The following RNF34 variants were observed in gnomAD, a reference collection of about 807,000 sequenced individuals.
RNF34 encodes the protein ring finger protein 34, also known as E3 ubiquitin-protein ligase RNF34.
RNF34 carries 12 observed loss-of-function variants against 37.9 expected under a neutral mutation model. The ratio of observed to expected loss-of-function variants is 0.32; its 90% CI spans 0.20 to 0.51. The LOEUF (loss-of-function observed/expected upper bound fraction) is 0.51. Ranked by LOEUF, RNF34 falls within the 20% of genes least tolerant of loss-of-function variation. The pLI, the probability that RNF34 is intolerant of heterozygous loss-of-function variation, is 0.97. For synonymous variants in RNF34, 155 were observed against 177.2 expected (o/e 0.87, Z 1.00); for missense variants, 362 against 472.7 (o/e 0.77, Z 2.17).
chr12:121,420,077 A>G (rs891969093), intron 3 of RNF34, 165 bp from the exon 4 acceptor site: 4 of 559,612 alleles, frequency 7.1e-6, no homozygotes, highest in Admixed American at 6.0e-5. Flanking sequence ...TCTTCATGCA[A>G]TTTTGTAGGG....
At chr12:121,403,389 C>CT (rs1555280265) in intron 1 of RNF34, among the ~76,000 whole-genome samples, 1 of 145,504 alleles carries the variant, frequency 6.9e-6, no homozygotes, top group East Asian at 2.0e-4. Flanking sequence ...GAGCAAGACT[C>CT]TGTCTCCAAA....
rs1389948665 is a variant in RNF34 at position 121,416,042 on chromosome 12, T to C, written c.7-117T>C. 35 of 746,606 alleles carry C rather than the reference T, an allele frequency of 4.7e-5. No individual in the cohort carries two copies. The East Asian group carries it at 7.1e-4, about 15-fold the overall frequency. 46.2% of individuals were successfully genotyped at this position (746,606 alleles called of 1,614,324 possible). A position where few individuals can be genotyped will look rare whatever the true frequency, so the allele number is the denominator to read the frequency against. On this transcript the variant is annotated intron_variant, in intron 1 of 5. Transcript: ENST00000361234. ...TGAAATTTCAGTGCCCAGAGGAATA[T>C]AGTAATCTCAAAGTTATTGAGGGCA...
chr12:121,406,083 C>T (rs1480870139), intron 1 of RNF34, among the ~76,000 whole-genome samples: 1 of 152,080 alleles, frequency 6.6e-6, no homozygotes, highest in Non-Finnish European at 1.5e-5. Flanking sequence ...GCCACCGTGC[C>T]CGGCCTGTCT....
intron 5 of RNF34, among the ~76,000 whole-genome samples, chr12:121,422,709 A>G (rs555823341): frequency 6.6e-6 from 1 of 152,302 alleles, no homozygotes. Flanking sequence ...CCTATGGCCA[A>G]ATCTCAGGCT....
In RNF34 at chr12:121,417,350, G is replaced by A. The variant is rs1408005114; in HGVS notation, c.226-154G>A. Among the ~76,000 whole-genome samples the A allele has an allele frequency of 6.6e-6, 1 of 152,194 alleles. No individual in the cohort carries two copies. The highest frequency in any genetic ancestry group is 2.4e-5 in the African/African-American group (1 of 41,440). On this transcript the variant is annotated intron_variant, in intron 2 of 5. Coordinates refer to ENST00000361234, the MANE Select transcript of RNF34 (RefSeq NM_025126.4). This position sits in a 1 kb window ranked among gnomAD's most constrained non-coding sequence, Gnocchi z 5.0. ...GGCAATGAATATTTTGATTTTCATGGCTTTTGAAACATGAAAATACCTCTG... is the reference window on the plus strand; with the variant it reads ...GGCAATGAATATTTTGATTTTCATGACTTTTGAAACATGAAAATACCTCTG...
At chr12:121,406,440 C>G (rs1870540963) in intron 1 of RNF34, among the ~76,000 whole-genome samples, 1 of 151,800 alleles carries the variant, frequency 6.6e-6, no homozygotes, top group South Asian at 2.1e-4. Context: ...GCACTTGCCA[C>G]CACGCCTGAC....
chr12:121,417,916 G>C lies in RNF34; in HGVS notation c.633+5G>C. On this transcript the variant is annotated splice_donor_5th_base_variant and intron_variant, in intron 3 of 5. Transcript: ENST00000361234. The surrounding 1 kb of genome is among the most constrained non-coding windows in gnomAD (Gnocchi z 5.0). ...AGATCTGGAGTGCCGGCACAGGTACGAGGGGGTAACTAATTACACCCAGGG... is the reference window on the plus strand; with the variant it reads ...AGATCTGGAGTGCCGGCACAGGTACCAGGGGGTAACTAATTACACCCAGGG... 3 of 1,611,846 alleles carry C rather than the reference G, an allele frequency of 1.9e-6. No homozygotes were observed. Among genetic ancestry groups the C allele is most frequent in the Non-Finnish European group, 2.5e-6 (3 of 1,179,086 alleles).
chr12:121,420,683 G>T lies in RNF34; in HGVS notation c.833G>T (p.Arg278Leu). Residue 278 changes from arginine to leucine, a missense_variant, in exon 5 of 6, where the codon CGG (arginine) becomes CTG (leucine). Physicochemically the swap from Arg to Leu is moderately radical, Grantham distance 102. Transcript: ENST00000361234. ...CGCCAGCTGAAGGAAATTCTGGCTC[G>T]GAATTTTGTCAACTATTCTGGCTGT... ...SVRQLKEILARNFVNYSGCCE... is the reference protein window; with the variant it reads ...SVRQLKEILALNFVNYSGCCE... 1 of 1,614,034 alleles carries T rather than the reference G, an allele frequency of 6.2e-7. No individual in the cohort carries two copies. The highest frequency in any genetic ancestry group is 8.5e-7 in the Non-Finnish European group (1 of 1,179,958).
In RNF34 at chr12:121,423,708, C is replaced by G; in HGVS notation, c.*132C>G. ...CATTATTTTGACTACTAAGTGGGGA[C>G]AGAAAGATCCATCCTGAGTTGTGGA... is the stretch of plus-strand genomic sequence containing the variant. On this transcript the variant is annotated 3_prime_UTR_variant, in exon 6 of 6. Coordinates refer to ENST00000361234, the MANE Select transcript of RNF34 (RefSeq NM_025126.4). The surrounding 1 kb of genome is among the most constrained non-coding windows in gnomAD (Gnocchi z 4.3). 1.3e-6 allele frequency: 1 copy of G among 775,012 alleles called. No individual in the cohort carries two copies. The highest frequency in any genetic ancestry group is 2.1e-6 in the Non-Finnish European group (1 of 487,664). The allele number at this position is 775,012 out of a possible 1,614,324, so 48.0% of individuals were successfully genotyped here.
intron 1 of RNF34, among the ~76,000 whole-genome samples, chr12:121,409,054 A>G (rs2136928375): frequency 6.6e-6 from 1 of 151,776 alleles, no homozygotes; most frequent in Non-Finnish European, 1.5e-5. Context: ...ATATCTGCTC[A>G]CTGCAACCTC....
rs782526621 is a variant in RNF34 at position 121,400,172 on chromosome 12, A to G, written c.-41A>G. 2.1e-5 allele frequency: 34 copies of G among 1,604,822 alleles called. No individual in the cohort carries two copies. The Admixed American group carries it at 5.1e-4, about 24-fold the overall frequency. Reference sequence around the variant, plus strand: ...AGTGTGAGGAGCTGCTATGGTGCTGAGTTTCCTGGTAGAGCCGGCCGAGCT... The same window carrying G: ...AGTGTGAGGAGCTGCTATGGTGCTGGGTTTCCTGGTAGAGCCGGCCGAGCT... On this transcript the variant is annotated 5_prime_UTR_variant, in exon 1 of 6. Coordinates refer to ENST00000361234, the MANE Select transcript of RNF34 (RefSeq NM_025126.4).
chr12:121,410,794 A>T (rs1227139254), intron 1 of RNF34, among the ~76,000 whole-genome samples: 1 of 152,152 alleles, frequency 6.6e-6, no homozygotes, highest in Non-Finnish European at 1.5e-5. Context: ...TGAGGCTGCA[A>T]CCTAAATTTT....
chr12:121,416,505 T>C, intron 2 of RNF34, 128 bp downstream of exon 2: 3 of 672,762 alleles, frequency 4.5e-6, no homozygotes, highest in Non-Finnish European at 2.5e-6. Context: ...CCATTAGCCA[T>C]TTTCCATCTA....
chr12:121,407,278 G>T (rs531787629), intron 1 of RNF34, among the ~76,000 whole-genome samples: 2 of 152,260 alleles, frequency 1.3e-5, no homozygotes, highest in South Asian at 4.1e-4. Flanking sequence ...CTTTATTCAC[G>T]GAGGAGTAAC....
chr12:121,402,437 TTTTGG>T (rs781876079), intron 1 of RNF34, among the ~76,000 whole-genome samples: 12 of 151,310 alleles, frequency 7.9e-5, no homozygotes, highest in South Asian at 2.1e-4. Context: ...CCCTTTGGCG[TTTTGG>T]TTTGGTTTGG....
chr12:121,417,770 G>C lies in RNF34; in HGVS notation c.492G>C (p.Leu164=), dbSNP rs201204148. The C allele has an allele frequency of 6.2e-7, 1 of 1,614,190 alleles. No homozygotes were observed. The highest frequency in any genetic ancestry group is 2.2e-5 in the East Asian group (1 of 44,894). The change falls in exon 3 of 6, where the codon CTG becomes CTC. Residue 164 remains leucine (L), a synonymous_variant. Coordinates refer to ENST00000361234, the MANE Select transcript of RNF34 (RefSeq NM_025126.4). This position sits in a 1 kb window ranked among gnomAD's most constrained non-coding sequence, Gnocchi z 5.0. ...AGGACGACATGGACACAAGCAGTCT[G>C]AATTCTTCAAGGTCCCAGACTTCTA... ...GSEDDMDTSS[L]NSSRSQTSSF...
At chr12:121,414,662 T>A (rs1177952466) in intron 1 of RNF34, among the ~76,000 whole-genome samples, 1 of 151,978 alleles carries the variant, frequency 6.6e-6, no homozygotes, top group Non-Finnish European at 1.5e-5. Context: ...AATAAAAAAA[T>A]ACTTTCCTGT....
At position 121,423,853 on chromosome 12, in the gene RNF34, G is replaced by A; in HGVS notation, c.*277G>A. The A allele has an allele frequency of 5.3e-6, 2 of 375,980 alleles. No homozygotes were observed. The highest frequency in any genetic ancestry group is 4.4e-5 in the Admixed American group (1 of 22,926). The allele number at this position is 375,980 out of a possible 1,614,324, so 23.3% of individuals were successfully genotyped here. A position where few individuals can be genotyped will look rare whatever the true frequency, so the allele number is the denominator to read the frequency against. On this transcript the variant is annotated 3_prime_UTR_variant, in exon 6 of 6. Coordinates refer to ENST00000361234, the MANE Select transcript of RNF34 (RefSeq NM_025126.4). The surrounding 1 kb of genome is among the most constrained non-coding windows in gnomAD (Gnocchi z 4.3). ...AAGTCAGCCTGTTTGCGCCATGTGGGCATCAGCCACTGCTGTCTTGGGAGG... is the reference window on the plus strand; with the variant it reads ...AAGTCAGCCTGTTTGCGCCATGTGGACATCAGCCACTGCTGTCTTGGGAGG...
rs781904957 is a variant in RNF34 at position 121,420,623 on chromosome 12, T to TG, written c.774dup (p.Ser259ValfsTer4). ...AGAGTGAGAGCTTCACTGTCTGACT[T>TG]GTCAAGCCTTGATGATGTGGAAGGA... On this transcript the variant is annotated frameshift_variant, in exon 5 of 6. Transcript: ENST00000361234. LOFTEE classifies it high-confidence loss of function. 1 of 1,614,156 alleles carries TG rather than the reference T, an allele frequency of 6.2e-7. No homozygotes were observed. Among genetic ancestry groups the TG allele is most frequent in the Non-Finnish European group, 8.5e-7 (1 of 1,180,020 alleles).
Sources: gnomAD v4.1 joint callset for allele counts (sites outside exome capture counted in the v4.1 genomes callset) on GRCh38, gnomAD v4.1.1 for gene constraint, Gnocchi (gnomAD v3.1) non-coding constraint, MANE v1.5 for transcripts, NCBI Gene and HGNC (gene_info 2026-07-23, HGNC 2026-07-21) for gene names.